ATAD1: variants seen among roughly 807,000 people sequenced by gnomAD.
ATAD1 encodes outer mitochondrial transmembrane helix translocase.
Under a neutral mutation model 42.7 loss-of-function variants are expected in ATAD1, and 18 were observed. The observed-to-expected ratio is 0.42, with a 90% CI of 0.29 to 0.63. ATAD1 has a LOEUF of 0.63. Among genes scored for constraint, ATAD1 ranks in the 20% least tolerant of loss-of-function variants. The pLI, the probability that ATAD1 is intolerant of heterozygous loss-of-function variation, is 0.19. For missense variants in ATAD1, 294 were observed against 440.4 expected (o/e 0.67, Z 2.98); for synonymous variants, 132 against 143.1 (o/e 0.92, Z 0.55).
At chr10:87,786,220 C>A (rs1036891174) in intron 4 of ATAD1, among the ~76,000 whole-genome samples, 4 of 152,258 alleles carry the variant, frequency 2.6e-5, no homozygotes, top group Non-Finnish European at 5.9e-5. Flanking sequence ...TTACTTAAAT[C>A]TCTGGGTTTT....
At position 87,828,339 on chromosome 10, in the gene ATAD1, T is replaced by A. The variant is rs181063580; in HGVS notation, c.-14+12848A>T. On this transcript the variant is annotated intron_variant, in intron 1 of 4. Transcript: ENST00000495903. ...TGATAAGAAAGCAGAAACATCCTAA[T>A]GGCTGACATGGAGAAAGTTTTAGAT... Among the ~76,000 whole-genome samples the A allele has an allele frequency of 2.1e-3, 319 of 152,332 alleles. 5 individuals carry two copies. In the South Asian group the frequency reaches 0.026, roughly 12 times the overall value.
intron 2 of ATAD1, among the ~76,000 whole-genome samples, chr10:87,798,137 C>G (rs1856487888): frequency 6.6e-6 from 1 of 152,158 alleles, no homozygotes; most frequent in South Asian, 2.1e-4. Context: ...TCTCAGAGGT[C>G]ATGGACCTCT....
At chr10:87,766,308 T>C (rs1214989904) in intron 8 of ATAD1, among the ~76,000 whole-genome samples, 4 of 152,194 alleles carry the variant, frequency 2.6e-5, no homozygotes, top group South Asian at 4.1e-4. Context: ...GGTTATTAAA[T>C]GTAGAATTTT....
intron 3 of ATAD1, among the ~76,000 whole-genome samples, chr10:87,792,341 C>G (rs938097183): frequency 6.6e-6 from 1 of 152,162 alleles, no homozygotes; most frequent in Non-Finnish European, 1.5e-5. Context: ...CTGAGTCTCC[C>G]GTGAGCTTTC....
rs150190807 is a variant in ATAD1 at position 87,760,019 on chromosome 10, AGT to A, written c.832-3099_832-3098del. Reference sequence around the variant, plus strand: ...GAGTATAGGCAGCAACAGCAGAATAAGTTAACAGACTTCTAAAATAGCTTGAA... The same window carrying A: ...GAGTATAGGCAGCAACAGCAGAATAATAACAGACTTCTAAAATAGCTTGAA... On this transcript the variant is annotated intron_variant, in intron 8 of 9. Transcript: ENST00000680024. 7.3e-3 allele frequency among the ~76,000 whole-genome samples: 1,110 copies of A among 152,336 alleles called. 8 individuals carry two copies. Among genetic ancestry groups the A allele is most frequent in the African/African-American group, 0.026 (1,062 of 41,558 alleles).
At chr10:87,765,347 C>T (rs1250019141) in intron 8 of ATAD1, among the ~76,000 whole-genome samples, 1 of 151,940 alleles carries the variant, frequency 6.6e-6, no homozygotes, top group African/African-American at 2.4e-5. Flanking sequence ...AAGAGGAATA[C>T]CACGTTATTC....
At position 87,800,184 on chromosome 10, in the gene ATAD1, C is replaced by CTATA. The variant is rs539627513; in HGVS notation, c.163-7433_163-7430dup. Among the ~76,000 whole-genome samples, 3 of 151,398 alleles carry CTATA rather than the reference C, an allele frequency of 2.0e-5. No homozygotes were observed. In the South Asian group the frequency reaches 6.3e-4, roughly 32 times the overall value. ...GGACTTGATGTAAAAAAAATTATGT[C>CTATA]TATATATATATACACACACACTAAA... On this transcript the variant is annotated intron_variant, in intron 2 of 9. Transcript: ENST00000680024.
At position 87,786,333 on chromosome 10, in the gene ATAD1, C is replaced by T. The variant is rs1564757706; in HGVS notation, c.383-1663G>A. 2.0e-5 allele frequency among the ~76,000 whole-genome samples: 3 copies of T among 152,176 alleles called. No homozygotes were observed. In the South Asian group the frequency reaches 6.2e-4, roughly 31 times the overall value. On this transcript the variant is annotated intron_variant, in intron 4 of 9. Coordinates refer to ENST00000680024, the MANE Select transcript of ATAD1 (RefSeq NM_001321967.2). Reference sequence around the variant, plus strand: ...ATATTTTGTTGACTTTGTAGCTACTCTACCACTTCATAAACATATTCAGAG... The same window carrying T: ...ATATTTTGTTGACTTTGTAGCTACTTTACCACTTCATAAACATATTCAGAG...
chr10:87,818,123 T>TA (rs1564785593), intron 1 of ATAD1, 44 bp downstream of exon 1: 1 of 985,404 alleles, frequency 1.0e-6, no homozygotes, highest in African/African-American at 1.7e-5. Context: ...CTCAGAAGGA[T>TA]ACGACAACCA....
intron 5 of ATAD1, among the ~76,000 whole-genome samples, chr10:87,776,634 A>C (rs1855318563): frequency 6.6e-6 from 1 of 151,608 alleles, no homozygotes; most frequent in South Asian, 2.1e-4. Context: ...ATGCGGAGCT[A>C]ATTTTTTTTT....
chr10:87,757,056 T>C (rs976418461), intron 8 of ATAD1, 134 bp from the exon 9 acceptor site: 4 of 650,726 alleles, frequency 6.1e-6, no homozygotes, highest in Non-Finnish European at 9.3e-6. Context: ...TCTAGAAGCT[T>C]TTTTTAACCA....
chr10:87,766,756 A>C (rs1393639782), intron 8 of ATAD1, among the ~76,000 whole-genome samples: 4 of 152,068 alleles, frequency 2.6e-5, no homozygotes, highest in East Asian at 1.9e-4. Context: ...GGTTGCAGTG[A>C]GCCGAGATCG....
intron 1 of ATAD1, among the ~76,000 whole-genome samples, chr10:87,816,912 GTCA>G (rs1857441879): frequency 6.6e-6 from 1 of 152,168 alleles, no homozygotes; most frequent in Non-Finnish European, 1.5e-5. Flanking sequence ...TACCAACCAA[GTCA>G]TCTACTGGAT....
At chr10:87,802,494 T>C (rs1005723260) in intron 2 of ATAD1, among the ~76,000 whole-genome samples, 166 of 152,106 alleles carry the variant, frequency 1.1e-3, no homozygotes, top group African/African-American at 3.9e-3. Flanking sequence ...GGAACAAAGT[T>C]CTATCAAAGC....
Position 87,768,610 on chromosome 10 carries a change from T to C in ATAD1, c.781-887A>G. Among the ~76,000 whole-genome samples the C allele has an allele frequency of 1.3e-5, 2 of 152,330 alleles. 1 individual carries two copies. The highest frequency in any genetic ancestry group is 4.1e-4 in the South Asian group (2 of 4,826). Reference sequence around the variant, plus strand: ...AACCTATAAAGCGTATTCACTAAAATGGAATAAAATGGAGGTTACAAATTT... The same window carrying C: ...AACCTATAAAGCGTATTCACTAAAACGGAATAAAATGGAGGTTACAAATTT... On this transcript the variant is annotated intron_variant, in intron 7 of 9. Coordinates refer to ENST00000680024, the MANE Select transcript of ATAD1 (RefSeq NM_001321967.2).
chr10:87,757,070 A>C, intron 8 of ATAD1, 148 bp from the exon 9 acceptor site: 1 of 579,890 alleles, frequency 1.7e-6, no homozygotes. Flanking sequence ...TTAACCACAA[A>C]AGCTTAGAAA....
intron 6 of ATAD1, 60 bp from the exon 7 acceptor site, chr10:87,771,101 T>A: frequency 7.7e-7 from 1 of 1,306,314 alleles, no homozygotes; most frequent in South Asian, 1.3e-5. Flanking sequence ...TCTGAGAATG[T>A]TATTACTAGG....
chr10:87,766,225 A>G (rs990693728), intron 8 of ATAD1, among the ~76,000 whole-genome samples: 1 of 152,196 alleles, frequency 6.6e-6, no homozygotes, highest in African/African-American at 2.4e-5. Flanking sequence ...CTAACCTTTG[A>G]TCTAGCAATT....
At chr10:87,762,895 C>T (rs1353676005) in intron 8 of ATAD1, among the ~76,000 whole-genome samples, 1 of 99,682 alleles carries the variant, frequency 1.0e-5, no homozygotes, top group African/African-American at 4.0e-5. Context: ...ATGGTGAAAC[C>T]CCGTCTCTAC....
Sources: allele counts gnomAD v4.1 joint callset (sites outside exome capture counted in the v4.1 genomes callset), GRCh38; gene constraint gnomAD v4.1.1; transcripts MANE v1.5; gene names NCBI Gene and HGNC (gene_info 2026-07-23, HGNC 2026-07-21).